The following KCNA7 variants were observed in gnomAD, a reference collection of about 807,000 sequenced individuals.
KCNA7 encodes the protein potassium channel, voltage gated shaker related subfamily A, member 7.
In KCNA7, 15 loss-of-function variants were observed where a neutral mutation model predicts 21.5. That is an observed-to-expected ratio of 0.70 (90% CI 0.47 to 1.07). The LOEUF (loss-of-function observed/expected upper bound fraction) is 1.07. Ranked by LOEUF, KCNA7 falls within the 50% of genes least tolerant of loss-of-function variation. The pLI is 0.00. For missense variants in KCNA7, 640 were observed against 651.6 expected (o/e 0.98, Z 0.19); for synonymous variants, 298 against 291.0 (o/e 1.02, Z -0.24).
Position 49,069,809 on chromosome 19 carries a change from CAG to C in KCNA7, c.*252_*253del, listed in dbSNP as rs2040243190. 2.0e-6 allele frequency: 1 copy of C among 505,020 alleles called. No homozygotes were observed. The highest frequency in any genetic ancestry group is 3.5e-6 in the Non-Finnish European group (1 of 283,044). 31.3% of individuals were successfully genotyped at this position (505,020 alleles called of 1,614,324 possible). On this transcript the variant is annotated 3_prime_UTR_variant, in exon 2 of 2. Transcript: ENST00000221444. ...AAGGCTCCATGAGCTTTGCACAACT[CAG>C]AGTAATATGAACCAATTGAGTCTTC...
chr19:49,072,237 C>T lies in KCNA7; in HGVS notation c.349G>A (p.Glu117Lys). The T allele has an allele frequency of 3.1e-6, 5 of 1,588,284 alleles. No individual in the cohort carries two copies. The highest frequency in any genetic ancestry group is 3.4e-6 in the Non-Finnish European group (4 of 1,168,026). The change falls in exon 1 of 2, where the codon GAG becomes AAG. Residue 117 changes from glutamate to lysine, a missense_variant. Physicochemically the swap from Glu to Lys is moderately conservative, Grantham distance 56. Transcript: ENST00000221444. ...AAGGCGCGGCGGGGCAGGGGGCGCT[C>T]GGGCGGCACCGGGCAGCCCTCGTCC... ...REDEGCPVPP[E>K]RPLPRRAFAR...
Position 49,070,868 on chromosome 19 carries a change from G to A in KCNA7, c.566C>T (p.Pro189Leu), listed in dbSNP as rs1611775. ...AGGCATTTGGCTGGAGCCATTCAGC[G>A]GAGCGGGGAACTGCAGGGAGGAAAG... ...AAAAAGPFPA[P>L]LNGSSQMPGN... The change falls in exon 2 of 2, where the codon CCG (proline) becomes CTG (leucine). Residue 189 changes from proline to leucine, a missense_variant. Coordinates refer to ENST00000221444, the MANE Select transcript of KCNA7 (RefSeq NM_031886.3). The surrounding 1 kb of genome is among the most constrained non-coding windows in gnomAD (Gnocchi z 4.3). 27 of 1,612,026 alleles carry A rather than the reference G, an allele frequency of 1.7e-5. No homozygotes were observed. Among genetic ancestry groups the A allele is most frequent in the Non-Finnish European group, 2.2e-5 (26 of 1,178,918 alleles).
rs764797108 is a variant in KCNA7 at position 49,070,882 on chromosome 19, C to T, written c.556-4G>A. The T allele has an allele frequency of 5.6e-6, 9 of 1,608,376 alleles. No individual in the cohort carries two copies. The highest frequency in any genetic ancestry group is 4.4e-5 in the South Asian group (4 of 90,320). ...AGCCATTCAGCGGAGCGGGGAACTG[C>T]AGGGAGGAAAGTGTTCAGGGAGGGT... On this transcript the variant is annotated splice_region_variant and splice_polypyrimidine_tract_variant and intron_variant, in intron 1 of 1. Coordinates refer to ENST00000221444, the MANE Select transcript of KCNA7 (RefSeq NM_031886.3). This position sits in a 1 kb window ranked among gnomAD's most constrained non-coding sequence, Gnocchi z 4.3.
Position 49,070,048 on chromosome 19 carries a change from G to T in KCNA7, c.*15C>A. On this transcript the variant is annotated 3_prime_UTR_variant, in exon 2 of 2. Coordinates refer to ENST00000221444, the MANE Select transcript of KCNA7 (RefSeq NM_031886.3). This position sits in a 1 kb window ranked among gnomAD's most constrained non-coding sequence, Gnocchi z 4.3. ...CTCTAGGGAGGTGTGAGGTCCTGCAGACCTCAACTGTTCCTCACACTTCGG... is the reference window on the plus strand; with the variant it reads ...CTCTAGGGAGGTGTGAGGTCCTGCATACCTCAACTGTTCCTCACACTTCGG... 2 of 1,580,552 alleles carry T rather than the reference G, an allele frequency of 1.3e-6. No individual in the cohort carries two copies. Among genetic ancestry groups the T allele is most frequent in the South Asian group, 1.2e-5 (1 of 86,556 alleles).
rs191618879 is a variant in KCNA7 at position 49,068,680 on chromosome 19, C to G, written c.*1383G>C. 1 of 152,486 alleles carries G rather than the reference C, an allele frequency of 6.6e-6. No individual in the cohort carries two copies. Among genetic ancestry groups the G allele is most frequent in the East Asian group, 1.9e-4 (1 of 5,188 alleles). The allele number at this position is 152,486 out of a possible 1,614,324, so 9.4% of individuals were successfully genotyped here. ...CTGTTCCTCTCTTCTGCGTCTCTGC[C>G]ATACCCCACCCTCCAGGTCATTGTC... On this transcript the variant is annotated 3_prime_UTR_variant, in exon 2 of 2. Transcript: ENST00000221444.
Position 49,069,189 on chromosome 19 carries a change from A to C in KCNA7, c.*874T>G, listed in dbSNP as rs1600256052. The C allele has an allele frequency of 6.6e-6, 1 of 152,190 alleles. No homozygotes were observed. 9.4% of individuals were successfully genotyped at this position (152,190 alleles called of 1,614,324 possible). A position where few individuals can be genotyped will look rare whatever the true frequency, so the allele number is the denominator to read the frequency against. ...ATGTGGCCCTATGGAACTCGTTCGC[A>C]CAGTCCAACTCAACCCAACTTCCTG... On this transcript the variant is annotated 3_prime_UTR_variant, in exon 2 of 2. Coordinates refer to ENST00000221444, the MANE Select transcript of KCNA7 (RefSeq NM_031886.3).
rs775810868 is a variant in KCNA7, at chr19:49,070,870, A to G, written c.564T>C (p.Ala188=). 1 of 1,611,938 alleles carries G rather than the reference A, an allele frequency of 6.2e-7. No individual in the cohort carries two copies. The highest frequency in any genetic ancestry group is 8.5e-7 in the Non-Finnish European group (1 of 1,178,676). The change falls in exon 2 of 2, where the codon GCT becomes GCC. Residue 188 remains alanine (A), a synonymous_variant. Coordinates refer to ENST00000221444, the MANE Select transcript of KCNA7 (RefSeq NM_031886.3). This position sits in a 1 kb window ranked among gnomAD's most constrained non-coding sequence, Gnocchi z 4.3. The part of the protein sequence containing the change: ...AAAAAAGPFP[A]PLNGSSQMPG... Reference sequence around the variant, plus strand: ...GCATTTGGCTGGAGCCATTCAGCGGAGCGGGGAACTGCAGGGAGGAAAGTG... The same window carrying G: ...GCATTTGGCTGGAGCCATTCAGCGGGGCGGGGAACTGCAGGGAGGAAAGTG...
In KCNA7 at chr19:49,072,248, G is replaced by A. The variant is rs756560163; in HGVS notation, c.338C>T (p.Pro113Leu). ...GGGCAGGGGGCGCTCGGGCGGCACC[G>A]GGCAGCCCTCGTCCTCGCGCAGGCG... The part of the protein sequence containing the change: ...LARLREDEGC[P>L]VPPERPLPRR... The change falls in exon 1 of 2, where the codon CCG becomes CTG. Residue 113 changes from proline to leucine, a missense_variant. Physicochemically the swap from Pro to Leu is moderately conservative, Grantham distance 98 (BLOSUM62 -3). Coordinates refer to ENST00000221444, the MANE Select transcript of KCNA7 (RefSeq NM_031886.3). 3.1e-6 allele frequency: 5 copies of A among 1,590,472 alleles called. No homozygotes were observed. Among genetic ancestry groups the A allele is most frequent in the Admixed American group, 1.7e-5 (1 of 57,658 alleles).
In KCNA7 at chr19:49,071,937, C is replaced by A. The variant is rs1266997648; in HGVS notation, c.555+94G>T. The A allele has an allele frequency of 3.1e-6, 4 of 1,280,706 alleles. No homozygotes were observed. In the East Asian group the frequency reaches 8.0e-5, roughly 26 times the overall value. The allele number at this position is 1,280,706 out of a possible 1,614,324, so 79.3% of individuals were successfully genotyped here. On this transcript the variant is annotated intron_variant, in intron 1 of 1. Transcript: ENST00000221444. ...CTTCGGCTGGCCCACCCCTCGCAGC[C>A]CCTGGCCCCGCCTTATGATTGGCCA...
In KCNA7 at chr19:49,069,922, C is replaced by T; in HGVS notation, c.*141G>A. ...CCAAACCACACAACCCAAGACCCAACAAGACTCAGTGTTTCCCCACTCGTT... is the reference window on the plus strand; with the variant it reads ...CCAAACCACACAACCCAAGACCCAATAAGACTCAGTGTTTCCCCACTCGTT... On this transcript the variant is annotated 3_prime_UTR_variant, in exon 2 of 2. Coordinates refer to ENST00000221444, the MANE Select transcript of KCNA7 (RefSeq NM_031886.3). 3.0e-6 allele frequency: 2 copies of T among 658,828 alleles called. No individual in the cohort carries two copies. The highest frequency in any genetic ancestry group is 5.4e-5 in the East Asian group (2 of 36,762). The allele number at this position is 658,828 out of a possible 1,614,324, so 40.8% of individuals were successfully genotyped here. A position where few individuals can be genotyped will look rare whatever the true frequency, so the allele number is the denominator to read the frequency against.
chr19:49,070,251 A>G lies in KCNA7; in HGVS notation c.1183T>C (p.Ser395Pro). The G allele has an allele frequency of 6.2e-7, 1 of 1,614,180 alleles. No homozygotes were observed. The highest frequency in any genetic ancestry group is 8.5e-7 in the Non-Finnish European group (1 of 1,180,036). The change falls in exon 2 of 2, where the codon TCC becomes CCC. Residue 395 changes from serine (S) to proline (P), a missense_variant. By Grantham distance (74) the Ser-to-Pro change is moderately conservative. Coordinates refer to ENST00000221444, the MANE Select transcript of KCNA7 (RefSeq NM_031886.3). This position sits in a 1 kb window ranked among gnomAD's most constrained non-coding sequence, Gnocchi z 4.3. ...CGGTGATAAAAGTAGCTGAAATTGG[A>G]GACAATGACGGGCACTGGCAGGGAA... is the stretch of plus-strand genomic sequence containing the variant. ...TISLPVPVIVSNFSYFYHRET... is the reference protein window; with the variant it reads ...TISLPVPVIVPNFSYFYHRET...
Position 49,070,408 on chromosome 19 carries a change from G to A in KCNA7, c.1026C>T (p.Phe342=). The A allele has an allele frequency of 6.2e-7, 1 of 1,614,160 alleles. No individual in the cohort carries two copies. Among genetic ancestry groups the A allele is most frequent in the East Asian group, 2.2e-5 (1 of 44,884 alleles). Residue 342 remains phenylalanine (F), a synonymous_variant, in exon 2 of 2, where the codon TTC becomes TTT. Transcript: ENST00000221444. This position sits in a 1 kb window ranked among gnomAD's most constrained non-coding sequence, Gnocchi z 4.3. Reference sequence around the variant, plus strand: ...ACCAGAAGGACTCAGGGATGCTAGTGAAATGGGAGTCCACCCGGTCAACTT... The same window carrying A: ...ACCAGAAGGACTCAGGGATGCTAGTAAAATGGGAGTCCACCCGGTCAACTT... ...FAEVDRVDSH[F]TSIPESFWWA...
At chr19:49,071,889 G>GCCCCCCCCC in intron 1 of KCNA7, 142 bp downstream of exon 1, 1 of 844,556 alleles carries the variant, frequency 1.2e-6, no homozygotes, top group South Asian at 1.7e-5. Context: ...GGATCCTCAG[G>GCCCCCCCCC]CCCCGCCTCC....
rs755824225 is a variant in KCNA7, at chr19:49,070,722, A to G, written c.712T>C (p.Phe238Leu). ...TCGATGAGGTTCATCACGTTCTTGA[A>G]GAAGATAGCCTTGCTTGGACAGACC... is the stretch of plus-strand genomic sequence containing the variant. The part of the protein sequence containing the change: ...LLVCPSKAIF[F>L]KNVMNLIDFV... The change falls in exon 2 of 2, where the codon TTC (phenylalanine) becomes CTC (leucine). Residue 238 changes from phenylalanine to leucine, a missense_variant. Transcript: ENST00000221444. The surrounding 1 kb of genome is among the most constrained non-coding windows in gnomAD (Gnocchi z 4.3). 2 of 1,614,096 alleles carry G rather than the reference A, an allele frequency of 1.2e-6. No individual in the cohort carries two copies. The highest frequency in any genetic ancestry group is 1.7e-6 in the Non-Finnish European group (2 of 1,180,050).
Position 49,072,550 on chromosome 19 carries a change from G to T in KCNA7, c.36C>A (p.Cys12Ter). Reference sequence around the variant, plus strand: ...CGGCCACGTTGAGCACCAGCCGCTCGCAGCAGCCGCACGGCGGCGGGCACC... The same window carrying T: ...CGGCCACGTTGAGCACCAGCCGCTCTCAGCAGCCGCACGGCGGCGGGCACC... ...EPRCPPPCGC[C>*]ERLVLNVAGL... is the part of the protein sequence containing the mutation. The change falls in exon 1 of 2, where the codon TGC (cysteine) becomes TGA (stop). Residue 12 changes from cysteine to a stop codon, truncating the protein, a stop_gained. Coordinates refer to ENST00000221444, the MANE Select transcript of KCNA7 (RefSeq NM_031886.3). LOFTEE classifies it high-confidence loss of function. The T allele has an allele frequency of 7.2e-7, 1 of 1,379,906 alleles. No homozygotes were observed. Among genetic ancestry groups the T allele is most frequent in the Non-Finnish European group, 9.3e-7 (1 of 1,073,002 alleles). 85.5% of individuals were successfully genotyped at this position (1,379,906 alleles called of 1,614,324 possible). A position where few individuals can be genotyped will look rare whatever the true frequency, so the allele number is the denominator to read the frequency against.
Position 49,072,081 on chromosome 19 carries a change from G to A in KCNA7, c.505C>T (p.Arg169Cys). Reference sequence around the variant, plus strand: ...AGCCCCGTGCCGTCGCGGTCGTCGCGGAAGTCAGGCAGCGTCTCGAGGCAG... The same window carrying A: ...AGCCCCGTGCCGTCGCGGTCGTCGCAGAAGTCAGGCAGCGTCTCGAGGCAG... ...VFCLETLPDF[R>C]DDRDGTGLAA... The change falls in exon 1 of 2, where the codon CGC (arginine) becomes TGC (cysteine). Residue 169 changes from arginine (R) to cysteine (C), a missense_variant. Arg to Cys is a radical substitution (Grantham distance 180). Transcript: ENST00000221444. 6.2e-7 allele frequency: 1 copy of A among 1,611,306 alleles called. No individual in the cohort carries two copies. Among genetic ancestry groups the A allele is most frequent in the East Asian group, 2.2e-5 (1 of 44,834 alleles).
intron 1 of KCNA7, among the ~76,000 whole-genome samples, chr19:49,071,587 C>A (rs1417382591): frequency 6.6e-6 from 1 of 151,852 alleles, no homozygotes; most frequent in African/African-American, 2.4e-5. Flanking sequence ...ACCTTCTCTG[C>A]AAGCCGAGCC....
In KCNA7 at chr19:49,070,289, C is replaced by T; in HGVS notation, c.1145G>A (p.Gly382Asp). 1.2e-6 allele frequency: 2 copies of T among 1,614,194 alleles called. No individual in the cohort carries two copies. The highest frequency in any genetic ancestry group is 1.7e-6 in the Non-Finnish European group (2 of 1,180,046). ...KIVGSLCAIA[G>D]VLTISLPVPV... ...CACTGGCAGGGAAATAGTCAGCACGCCCGCAATGGCACACAGAGAGCCCAC... is the reference window on the plus strand; with the variant it reads ...CACTGGCAGGGAAATAGTCAGCACGTCCGCAATGGCACACAGAGAGCCCAC... Residue 382 changes from glycine (G) to aspartate (D), a missense_variant, in exon 2 of 2, where the codon GGC (glycine) becomes GAC (aspartate). Coordinates refer to ENST00000221444, the MANE Select transcript of KCNA7 (RefSeq NM_031886.3). The surrounding 1 kb of genome is among the most constrained non-coding windows in gnomAD (Gnocchi z 4.3).
chr19:49,070,473 T>G lies in KCNA7; in HGVS notation c.961A>C (p.Ile321Leu). The G allele has an allele frequency of 6.2e-7, 1 of 1,613,954 alleles. No homozygotes were observed. Among genetic ancestry groups the G allele is most frequent in the Non-Finnish European group, 8.5e-7 (1 of 1,179,964 alleles). The change falls in exon 2 of 2, where the codon ATC becomes CTC. Residue 321 changes from isoleucine (I) to leucine (L), a missense_variant. Ile to Leu is a conservative substitution (Grantham distance 5). Transcript: ENST00000221444. The surrounding 1 kb of genome is among the most constrained non-coding windows in gnomAD (Gnocchi z 4.3). ...ELGLLIFFLF[I>L]GVVLFSSAVY... Reference sequence around the variant, plus strand: ...GCGCTGGAAAAGAGGACCACACCGATGAAGAGGAAAAAGATGAGGAGGCCC... The same window carrying G: ...GCGCTGGAAAAGAGGACCACACCGAGGAAGAGGAAAAAGATGAGGAGGCCC...
Sources: allele counts gnomAD v4.1 joint callset (sites outside exome capture counted in the v4.1 genomes callset), GRCh38; gene constraint gnomAD v4.1.1; non-coding constraint Gnocchi (gnomAD v3.1); transcripts MANE v1.5; gene names NCBI Gene and HGNC (gene_info 2026-07-23, HGNC 2026-07-21).